Variants in C10orf90 observed in about 807,000 individuals in gnomAD.
C10orf90 encodes (E2-independent) E3 ubiquitin-conjugating enzyme FATS.
A neutral mutation model predicts 62.5 loss-of-function variants in C10orf90; 56 were observed. That is an observed-to-expected ratio of 0.90 (90% CI 0.72 to 1.12). The LOEUF (loss-of-function observed/expected upper bound fraction) is 1.12. C10orf90 is among the 50% of genes most tolerant of loss of function. The pLI is 0.00. For synonymous variants in C10orf90, 386 were observed against 340.4 expected (o/e 1.13, Z -1.47); for missense variants, 970 against 880.4 (o/e 1.10, Z -1.29).
intron 2 of C10orf90, among the ~76,000 whole-genome samples, chr10:126,564,857 A>ATATATATTATATATAATATAT (rs1844272535): frequency 5.7e-4 from 1 of 1,764 alleles, no homozygotes; most frequent in Admixed American, 0.016. Flanking sequence ...ATATTATATA[A>ATATATATTATATATAATATAT]AATATATATT....
chr10:126,571,094 G>A (rs1844495495), intron 2 of C10orf90, among the ~76,000 whole-genome samples: 1 of 152,180 alleles, frequency 6.6e-6, no homozygotes, highest in South Asian at 2.1e-4. Flanking sequence ...GTTAGGTTTG[G>A]CACCAGTTCC....
chr10:126,547,260 A>G (rs930987828), intron 2 of C10orf90, among the ~76,000 whole-genome samples: 4 of 151,886 alleles, frequency 2.6e-5, no homozygotes, highest in African/African-American at 7.3e-5. Context: ...TCTACAAAAA[A>G]TAAAAAAAAT....
chr10:126,645,168 G>A (rs1846142338), intron 2 of C10orf90, among the ~76,000 whole-genome samples: 1 of 150,724 alleles, frequency 6.6e-6, no homozygotes, highest in Non-Finnish European at 1.5e-5. Flanking sequence ...GCTAGATGAC[G>A]AGTTAGTGGG....
chr10:126,569,918 A>AAAG (rs1318168104), intron 2 of C10orf90, among the ~76,000 whole-genome samples: 1 of 152,184 alleles, frequency 6.6e-6, no homozygotes, highest in African/African-American at 2.4e-5. Context: ...TTAAAAAAGA[A>AAAG]AAGAAAAGAA....
intron 2 of C10orf90, among the ~76,000 whole-genome samples, chr10:126,538,580 A>G (rs1864300340): frequency 6.6e-6 from 1 of 152,220 alleles, no homozygotes; most frequent in Non-Finnish European, 1.5e-5. Context: ...AAGGTTTACC[A>G]CTTGCCACGT....
chr10:126,451,339 A>G (rs951075826), intron 7 of C10orf90, among the ~76,000 whole-genome samples: 3 of 152,164 alleles, frequency 2.0e-5, no homozygotes, highest in Non-Finnish European at 4.4e-5. Flanking sequence ...TATCTAAAGG[A>G]AAAGAAATCA....
intron 7 of C10orf90, among the ~76,000 whole-genome samples, chr10:126,432,607 A>T (rs1463197824): frequency 6.6e-6 from 1 of 152,218 alleles, no homozygotes; most frequent in Non-Finnish European, 1.5e-5. Context: ...ATGACCAAAG[A>T]GCCAACTGTG....
intron 2 of C10orf90, among the ~76,000 whole-genome samples, chr10:126,619,955 A>G (rs944773972): frequency 6.6e-6 from 1 of 152,100 alleles, no homozygotes; most frequent in Non-Finnish European, 1.5e-5. Flanking sequence ...TAATTTTTAG[A>G]AATTCCTGAT....
intron 3 of C10orf90, among the ~76,000 whole-genome samples, chr10:126,510,196 G>A (rs1273288728): frequency 6.6e-6 from 1 of 152,146 alleles, no homozygotes; most frequent in East Asian, 1.9e-4. Context: ...GTAGAGGATA[G>A]GACTTCAACA....
At chr10:126,582,594 G>A (rs76005856) in intron 2 of C10orf90, among the ~76,000 whole-genome samples, 3,295 of 152,310 alleles carry the variant, frequency 0.022, 46 homozygotes, top group Non-Finnish European at 0.035. Flanking sequence ...GGGAGACAAA[G>A]ATCCTCGATT....
intron 2 of C10orf90, among the ~76,000 whole-genome samples, chr10:126,529,347 C>T (rs546680698): frequency 3.9e-5 from 6 of 152,042 alleles, no homozygotes; most frequent in African/African-American, 1.4e-4. Context: ...AGACAAACAC[C>T]ATTAAATAAA....
chr10:126,532,380 G>T (rs1255938879), intron 2 of C10orf90, among the ~76,000 whole-genome samples: 1 of 152,054 alleles, frequency 6.6e-6, no homozygotes, highest in Non-Finnish European at 1.5e-5. Context: ...CATCACAATT[G>T]CATCTTTCTC....
chr10:126,484,511 C>G (rs557994147), intron 4 of C10orf90, among the ~76,000 whole-genome samples: 1 of 152,146 alleles, frequency 6.6e-6, no homozygotes, highest in Non-Finnish European at 1.5e-5. Flanking sequence ...TGATATTAGA[C>G]AAAAATAATG....
In C10orf90 at chr10:126,504,568, T is replaced by C. The variant is rs1201964958; in HGVS notation, c.923A>G (p.Glu308Gly). Residue 308 changes from glutamate to glycine, a missense_variant, in exon 4 of 10, where the codon GAG becomes GGG. Physicochemically the swap from Glu to Gly is moderately conservative, Grantham distance 98 (BLOSUM62 -2). Coordinates refer to ENST00000488181, the MANE Select transcript of C10orf90 (RefSeq NM_001350921.2). The surrounding 1 kb of genome is among the most constrained non-coding windows in gnomAD (Gnocchi z 4.1). ...NSSVVRLKVPEAHTGLCERRK... is the reference protein window; with the variant it reads ...NSSVVRLKVPGAHTGLCERRK... ...TCTCTCACACAACCCAGTGTGGGCC[T>C]CGGGAACCTTCAGCCGCACCACGGA... 1 of 1,614,094 alleles carries C rather than the reference T, an allele frequency of 6.2e-7. No individual in the cohort carries two copies. Among genetic ancestry groups the C allele is most frequent in the Non-Finnish European group, 8.5e-7 (1 of 1,180,038 alleles).
chr10:126,497,949 T>TA (rs1213907718), intron 4 of C10orf90, among the ~76,000 whole-genome samples: 1 of 152,236 alleles, frequency 6.6e-6, no homozygotes, highest in South Asian at 2.1e-4. Flanking sequence ...CAGCTGATTC[T>TA]AACACTCTCT....
intron 2 of C10orf90, among the ~76,000 whole-genome samples, chr10:126,516,080 TG>T (rs1564850299): frequency 6.6e-6 from 1 of 152,234 alleles, no homozygotes; most frequent in Non-Finnish European, 1.5e-5. Flanking sequence ...TTAAGAACTT[TG>T]GAGTCAACAC....
At chr10:126,625,888 C>A (rs1425602705) in intron 2 of C10orf90, among the ~76,000 whole-genome samples, 2 of 151,962 alleles carry the variant, frequency 1.3e-5, no homozygotes, top group Non-Finnish European at 1.5e-5. Flanking sequence ...GCCGAGGTGG[C>A]AGGATGACTT....
intron 2 of C10orf90, among the ~76,000 whole-genome samples, chr10:126,588,088 G>A (rs1470697884): frequency 6.6e-5 from 10 of 152,250 alleles, no homozygotes; most frequent in Non-Finnish European, 1.5e-4. Flanking sequence ...GATGGACCAA[G>A]TTCCCAGGGG....
intron 2 of C10orf90, among the ~76,000 whole-genome samples, chr10:126,539,422 T>C (rs1414577067): frequency 3.3e-5 from 5 of 152,206 alleles, no homozygotes; most frequent in Non-Finnish European, 5.9e-5. Flanking sequence ...GTCTCTGCAG[T>C]AGCGTTTTAT....
Sources: gnomAD v4.1 joint callset for allele counts (sites outside exome capture counted in the v4.1 genomes callset) on GRCh38, gnomAD v4.1.1 for gene constraint, Gnocchi (gnomAD v3.1) non-coding constraint, MANE v1.5 for transcripts, NCBI Gene and HGNC (gene_info 2026-07-23, HGNC 2026-07-21) for gene names.